The following KPNA3 variants were observed in gnomAD, a reference collection of about 807,000 sequenced individuals.
KPNA3 encodes importin subunit alpha-4.
In KPNA3, 13 loss-of-function variants were observed where a neutral mutation model predicts 73.8. That is an observed-to-expected ratio of 0.18 (90% CI 0.11 to 0.28). The LOEUF (loss-of-function observed/expected upper bound fraction) is 0.28. Ranked by LOEUF, KPNA3 falls within the 10% of genes least tolerant of loss-of-function variation. The pLI, the probability that KPNA3 is intolerant of heterozygous loss-of-function variation, is 1.00. For synonymous variants in KPNA3, 186 were observed against 206.9 expected (o/e 0.90, Z 0.87); for missense variants, 360 against 618.1 (o/e 0.58, Z 4.43).
intron 1 of KPNA3, among the ~76,000 whole-genome samples, chr13:49,747,793 A>C (rs75846949): frequency 0.022 from 3,280 of 152,292 alleles, 48 homozygotes; most frequent in South Asian, 0.03. Flanking sequence ...TATTTACTGG[A>C]TATCTGTTGG....
chr13:49,718,813 T>G (rs563329618), intron 10 of KPNA3, among the ~76,000 whole-genome samples: 25 of 152,286 alleles, frequency 1.6e-4, no homozygotes, highest in African/African-American at 5.8e-4. Flanking sequence ...GCAAATGAGC[T>G]AGAGTAATGT....
At chr13:49,766,412 A>C (rs1191670574) in intron 1 of KPNA3, among the ~76,000 whole-genome samples, 1 of 152,196 alleles carries the variant, frequency 6.6e-6, no homozygotes, top group African/African-American at 2.4e-5. Context: ...CTTAGGAGAC[A>C]TAAGACTGAC....
rs1954146898 is a variant in KPNA3, at chr13:49,701,457, A to C, written c.*343T>G. 6.2e-6 allele frequency: 3 copies of C among 480,516 alleles called. No individual in the cohort carries two copies. The highest frequency in any genetic ancestry group is 4.6e-5 in the South Asian group (3 of 64,632). 29.8% of individuals were successfully genotyped at this position (480,516 alleles called of 1,614,324 possible). ...TCCACAGCGCACCATTTTCCAAAGG[A>C]GTATCAGTGGGCAGCTGACATGTCA... On this transcript the variant is annotated 3_prime_UTR_variant, in exon 17 of 17. Coordinates refer to ENST00000261667, the MANE Select transcript of KPNA3 (RefSeq NM_002267.4).
At chr13:49,756,599 T>C (rs1056025130) in intron 1 of KPNA3, among the ~76,000 whole-genome samples, 3 of 152,176 alleles carry the variant, frequency 2.0e-5, no homozygotes, top group African/African-American at 4.8e-5. Context: ...ATTGTGTTCA[T>C]AGATTGGTAG....
At chr13:49,735,186 G>A (rs980758595) in intron 2 of KPNA3, among the ~76,000 whole-genome samples, 18 of 152,030 alleles carry the variant, frequency 1.2e-4, no homozygotes, top group Non-Finnish European at 1.9e-4. Context: ...GCAATGGTGC[G>A]ATCTCAGCTC....
At chr13:49,720,573 T>A (rs1954345335) in intron 9 of KPNA3, among the ~76,000 whole-genome samples, 1 of 151,986 alleles carries the variant, frequency 6.6e-6, no homozygotes, top group African/African-American at 2.4e-5. Flanking sequence ...CTGGCCAACA[T>A]GGTGAAAACC....
intron 2 of KPNA3, among the ~76,000 whole-genome samples, chr13:49,736,178 G>A (rs896584294): frequency 1.3e-5 from 2 of 151,924 alleles, no homozygotes. Context: ...TCCAACCCTG[G>A]TTGCATCTAA....
At chr13:49,780,747 G>A (rs1332999985) in intron 1 of KPNA3, among the ~76,000 whole-genome samples, 1 of 137,804 alleles carries the variant, frequency 7.3e-6, no homozygotes, top group African/African-American at 2.7e-5. Context: ...TTAAGATGGA[G>A]TCTCACTCCA....
intron 10 of KPNA3, among the ~76,000 whole-genome samples, chr13:49,712,229 T>C (rs756122249): frequency 2.3e-4 from 35 of 152,250 alleles, no homozygotes; most frequent in Non-Finnish European, 4.0e-4. Context: ...TAACCCTTCA[T>C]ACCAAGATCC....
intron 1 of KPNA3, among the ~76,000 whole-genome samples, chr13:49,784,004 G>T (rs1954961335): frequency 6.6e-6 from 1 of 152,112 alleles, no homozygotes; most frequent in South Asian, 2.1e-4. Context: ...TATAATCCCA[G>T]CATTTTGGGA....
At chr13:49,750,167 A>G (rs1270942542) in intron 1 of KPNA3, among the ~76,000 whole-genome samples, 1 of 152,232 alleles carries the variant, frequency 6.6e-6, no homozygotes, top group Non-Finnish European at 1.5e-5. Context: ...TTCACAGTCT[A>G]GCACAGGGAT....
chr13:49,775,990 C>T (rs977629006), intron 1 of KPNA3, among the ~76,000 whole-genome samples: 6 of 152,144 alleles, frequency 3.9e-5, no homozygotes, highest in Admixed American at 6.5e-5. Flanking sequence ...CAACAGGATA[C>T]ACAAAAATGT....
At chr13:49,711,599 C>T (rs566285939) in intron 10 of KPNA3, among the ~76,000 whole-genome samples, 4 of 152,292 alleles carry the variant, frequency 2.6e-5, no homozygotes, top group African/African-American at 9.6e-5. Context: ...GGAGTATAAA[C>T]CATGCCCTAG....
chr13:49,791,926 G>T (rs922745899), intron 1 of KPNA3, among the ~76,000 whole-genome samples: 1 of 152,174 alleles, frequency 6.6e-6, no homozygotes, highest in African/African-American at 2.4e-5. Context: ...CCCCCTCTGC[G>T]GGCCGCCACC....
At chr13:49,731,103 C>T (rs1361159568) in intron 6 of KPNA3, among the ~76,000 whole-genome samples, 1 of 149,692 alleles carries the variant, frequency 6.7e-6, no homozygotes, top group African/African-American at 2.5e-5. Flanking sequence ...GAGTCAGGGT[C>T]TTGCTCTGTT....
chr13:49,769,490 A>G (rs1307995979), intron 1 of KPNA3, among the ~76,000 whole-genome samples: 1 of 152,142 alleles, frequency 6.6e-6, no homozygotes, highest in African/African-American at 2.4e-5. Context: ...TTCTGTATCA[A>G]TGGATTTGAT....
chr13:49,757,275 T>C (rs1323018477), intron 1 of KPNA3, among the ~76,000 whole-genome samples: 1 of 150,548 alleles, frequency 6.6e-6, no homozygotes, highest in Non-Finnish European at 1.5e-5. Context: ...AAAAAAAAAT[T>C]TGCAACCACA....
intron 1 of KPNA3, among the ~76,000 whole-genome samples, chr13:49,774,739 A>G (rs1237826465): frequency 6.6e-6 from 1 of 152,206 alleles, no homozygotes; most frequent in South Asian, 2.1e-4. Context: ...AAATACAAAA[A>G]CTTAGAATGA....
Position 49,705,755 on chromosome 13 carries a change from A to G in KPNA3, c.1238T>C (p.Ile413Thr). Residue 413 changes from isoleucine (I) to threonine (T), a missense_variant, in exon 15 of 17, where the codon ATA becomes ACA. Physicochemically the swap from Ile to Thr is moderately conservative, Grantham distance 89. This residue lies in a region of KPNA3 where 287 missense variants were observed against 549.1 expected (regional missense o/e 0.52). Coordinates refer to ENST00000261667, the MANE Select transcript of KPNA3 (RefSeq NM_002267.4). The stretch of plus-strand genomic sequence containing the variant: ...TGACAGTAAATTACAGAACGGTGGT[A>G]TTACATTCTGCTGTACAAGGTACTC... The part of the protein sequence containing the change: ...QVEYLVQQNV[I>T]PPFCNLLSVK... The G allele has an allele frequency of 6.2e-7, 1 of 1,613,630 alleles. No homozygotes were observed. The highest frequency in any genetic ancestry group is 8.5e-7 in the Non-Finnish European group (1 of 1,179,598).
Sources: gnomAD v4.1 joint callset for allele counts (sites outside exome capture counted in the v4.1 genomes callset) on GRCh38, gnomAD v4.1.1 for gene constraint, gnomAD v4.1.1 regional missense constraint, MANE v1.5 for transcripts, NCBI Gene and HGNC (gene_info 2026-07-23, HGNC 2026-07-21) for gene names.